The following NTRK1 variants were observed in gnomAD, a reference collection of about 807,000 sequenced individuals.
The protein encoded by NTRK1 is high affinity nerve growth factor receptor.
In NTRK1, 62 loss-of-function variants were observed where a neutral mutation model predicts 86.8. That is an observed-to-expected ratio of 0.71 (90% confidence interval 0.58 to 0.88). The LOEUF is 0.88. Ranked by LOEUF, NTRK1 falls within the 40% of genes least tolerant of loss-of-function variation. The pLI, the probability that NTRK1 is intolerant of heterozygous loss-of-function variation, is 0.00. For synonymous variants in NTRK1, 469 were observed against 456.6 expected (o/e 1.03, Z -0.35); for missense variants, 967 against 1,078.4 (o/e 0.90, Z 1.45).
In NTRK1 at chr1:156,854,519, C is replaced by A. The variant is rs1655343619; in HGVS notation, c.51-9835C>A. On this transcript the variant is annotated intron_variant, in intron 2 of 16. Coordinates refer to the NTRK1 transcript ENST00000392302. The surrounding 1 kb of genome is among the most constrained non-coding windows in gnomAD (Gnocchi z 4.2). ...GATGAGCCACACAGGCAAAAATGAA[C>A]TCCTGATCCTCTCTCCCAAGCCCAT... Among the ~76,000 whole-genome samples, 1 of 152,168 alleles carries A rather than the reference C, an allele frequency of 6.6e-6. No individual in the cohort carries two copies.
chr1:156,844,740 G>A (rs137892383), intron 2 of NTRK1: 43 of 1,614,046 alleles, frequency 2.7e-5, no homozygotes, highest in Non-Finnish European at 3.6e-5. Context: ...TTTCGTACTT[G>A]AGGATGAGTC....
upstream of NTRK1, among the ~76,000 whole-genome samples, chr1:156,859,855 T>C (rs890983321): frequency 3.9e-5 from 6 of 152,048 alleles, no homozygotes; most frequent in African/African-American, 4.8e-5. This position sits in a 1 kb window ranked among gnomAD's most constrained non-coding sequence, Gnocchi z 6.2. Flanking sequence ...CCCTTCGCTC[T>C]CCCCAGCTTG....
chr1:156,839,286 A>C (rs1654690809), intron 1 of NTRK1, among the ~76,000 whole-genome samples: 1 of 152,210 alleles, frequency 6.6e-6, no homozygotes. Flanking sequence ...GGTGCACAGA[A>C]AGTCTCATCT....
intron 1 of NTRK1, among the ~76,000 whole-genome samples, chr1:156,830,550 CTTTT>C (rs5778003): frequency 1.5e-4 from 16 of 105,376 alleles, no homozygotes; most frequent in African/African-American, 5.6e-4. Flanking sequence ...TTGTGGGATT[CTTTT>C]TTTTTTTTTT....
chr1:156,842,118 T>A (rs1654816840), exon 2 of NTRK1: 2 of 1,613,774 alleles, frequency 1.2e-6, no homozygotes, highest in African/African-American at 1.3e-5. Flanking sequence ...GTACCCCCGA[T>A]CTTGACGGTG....
intron 2 of NTRK1, among the ~76,000 whole-genome samples, chr1:156,855,042 A>G (rs867225086): frequency 6.6e-6 from 1 of 152,128 alleles, no homozygotes; most frequent in South Asian, 2.1e-4. Context: ...ACAAGCCAGC[A>G]AAGCTTCTGC....
chr1:156,848,792 AC>A (rs1655096579), intron 2 of NTRK1: 4 of 1,126,200 alleles, frequency 3.6e-6, no homozygotes, highest in Non-Finnish European at 5.0e-6. Context: ...ACCACGGAGT[AC>A]AACTTGCGGG....
intron 1 of NTRK1, among the ~76,000 whole-genome samples, chr1:156,861,393 A>C (rs961016651): frequency 6.6e-6 from 1 of 151,982 alleles, no homozygotes; most frequent in Admixed American, 6.5e-5. Flanking sequence ...GGGAGATCGA[A>C]GGGGGAAATC....
chr1:156,880,240 C>T, intron 16 of NTRK1, 83 bp downstream of exon 16: 1 of 1,484,824 alleles, frequency 6.7e-7, no homozygotes, highest in Non-Finnish European at 9.3e-7. Context: ...ACTCGGTTCC[C>T]CTTCTGCCCC....
chr1:156,853,991 G>A, intron 2 of NTRK1: 4 of 1,613,532 alleles, frequency 2.5e-6, no homozygotes, highest in Non-Finnish European at 3.4e-6. Context: ...ACGCAGCACG[G>A]CCCCAAGTGC....
chr1:156,879,237 CT>C lies in NTRK1; in HGVS notation c.1922del (p.Leu641ArgfsTer17). ...ASQVAAGMVY[L>X]AGLHFVHRDL... is the part of the protein sequence containing the mutation. The stretch of plus-strand genomic sequence containing the variant: ...CCAGGTCGCTGCGGGGATGGTGTAC[CT>C]GGCGGGTCTGCATTTTGTGCACCGG... On this transcript the variant is annotated frameshift_variant, in exon 15 of 17. Transcript: ENST00000524377. LOFTEE classifies it high-confidence loss of function. 6.2e-7 allele frequency: 1 copy of C among 1,614,112 alleles called. No homozygotes were observed. Among genetic ancestry groups the C allele is most frequent in the Non-Finnish European group, 8.5e-7 (1 of 1,180,026 alleles).
At chr1:156,841,734 A>T in intron 1 of NTRK1, 1 of 1,614,170 alleles carries the variant, frequency 6.2e-7, no homozygotes, top group South Asian at 1.1e-5. Context: ...CACGGGCAGC[A>T]GCCCCTTCCC....
intron 1 of NTRK1, chr1:156,841,204 G>A: frequency 9.6e-7 from 1 of 1,041,348 alleles, no homozygotes; most frequent in Non-Finnish European, 1.4e-6. Flanking sequence ...GGGATCGTGG[G>A]CCATTATGCC....
intron 2 of NTRK1, chr1:156,846,434 C>T (rs774983623): frequency 1.3e-4 from 144 of 1,128,456 alleles, no homozygotes; most frequent in Middle Eastern, 9.8e-4. Flanking sequence ...TTCAGTGCCC[C>T]GGCTTCTCTA....
intron 11 of NTRK1, 34 bp downstream of exon 11, chr1:156,875,042 C>T (rs2102912675): frequency 6.8e-7 from 1 of 1,461,922 alleles, no homozygotes; most frequent in South Asian, 1.1e-5. Context: ...GTCTGTCTGT[C>T]TGTTCTCCTG....
At chr1:156,843,588 A>G (rs1275696275) in intron 2 of NTRK1, 2 of 1,156,014 alleles carry the variant, frequency 1.7e-6, no homozygotes, top group African/African-American at 3.0e-5. Context: ...TACTGACCAC[A>G]CCCCCAGCCT....
intron 7 of NTRK1, among the ~76,000 whole-genome samples, chr1:156,871,980 C>G (rs1333970477): frequency 6.6e-6 from 1 of 152,244 alleles, no homozygotes; most frequent in Admixed American, 6.5e-5. Context: ...GCCCCCTGCC[C>G]GAGCCTTGCT....
intron 1 of NTRK1, among the ~76,000 whole-genome samples, chr1:156,821,289 A>T (rs900793351): frequency 5.3e-5 from 8 of 152,148 alleles, no homozygotes; most frequent in Non-Finnish European, 1.0e-4. Context: ...AAACAGCAAT[A>T]GTTTGACATC....
At position 156,816,709 on chromosome 1, in the gene NTRK1, G is replaced by A. The variant is rs1192459540; in HGVS notation, c.-64+871G>A. The stretch of plus-strand genomic sequence containing the variant: ...ATATCTGGGCCAGGGGGAACTCCAT[G>A]AGGGCAGCCTCACAAGGGATCCCAG... On this transcript the variant is annotated intron_variant, in intron 1 of 16. Coordinates refer to the NTRK1 transcript ENST00000392302. 1.9e-6 allele frequency: 3 copies of A among 1,599,432 alleles called. No homozygotes were observed. The South Asian group carries it at 3.4e-5, about 18-fold the overall frequency.
Sources: gnomAD v4.1 joint callset for allele counts (sites outside exome capture counted in the v4.1 genomes callset) on GRCh38, gnomAD v4.1.1 for gene constraint, Gnocchi (gnomAD v3.1) non-coding constraint, MANE v1.5 for transcripts, NCBI Gene and HGNC (gene_info 2026-07-23, HGNC 2026-07-21) for gene names.